The following HERC1 variants were observed in gnomAD, a reference collection of about 807,000 sequenced individuals.
HERC1 encodes the protein probable E3 ubiquitin-protein ligase HERC1.
In HERC1, 160 loss-of-function variants were observed where a neutral mutation model predicts 554.3. That is an observed-to-expected ratio of 0.29 (90% confidence interval 0.25 to 0.33). The LOEUF is 0.33. Among genes scored for constraint, HERC1 ranks in the 10% least tolerant of loss-of-function variants. HERC1 has a pLI of 1.00. For missense variants in HERC1, 4,919 were observed against 5,918.5 expected, an observed-to-expected ratio of 0.83 and a Z score of 5.54; for synonymous variants, 2,175 against 2,131.7, an observed-to-expected ratio of 1.02 and a Z score of -0.56.
intron 1 of HERC1, among the ~76,000 whole-genome samples, chr15:63,809,036 A>C (rs2077218118): frequency 6.6e-6 from 1 of 152,224 alleles, no homozygotes. Flanking sequence ...ATCAGAAGTA[A>C]GTACTCTGGC....
chr15:63,617,873 G>T (rs898704746), intron 74 of HERC1, among the ~76,000 whole-genome samples: 30 of 151,980 alleles, frequency 2.0e-4, no homozygotes, highest in Non-Finnish European at 3.1e-4. Flanking sequence ...TCTTGTAAAT[G>T]TGTTGGAGTT....
chr15:63,774,673 G>A (rs1460038346), intron 2 of HERC1, 21 bp downstream of exon 2: 1 of 1,529,450 alleles, frequency 6.5e-7, no homozygotes, highest in East Asian at 2.3e-5. Flanking sequence ...GAACTTTAAA[G>A]TTGAGACTTA....
rs1566937356 is a variant in HERC1 at position 63,612,515 on chromosome 15, C to T, written c.14136G>A (p.Val4712=). Residue 4712 remains valine (V), a synonymous_variant, in exon 77 of 78, where the codon GTG becomes GTA. Transcript: ENST00000443617. This position sits in a 1 kb window ranked among gnomAD's most constrained non-coding sequence, Gnocchi z 5.0. The part of the protein sequence containing the change: ...VREGMSWIVP[V]PLLSLLTAKQ... Reference sequence around the variant, plus strand: ...TTGCTGTGAGGAGGGACAGCAGCGGCACAGGAACAATCCAGGACATCCCTT... The same window carrying T: ...TTGCTGTGAGGAGGGACAGCAGCGGTACAGGAACAATCCAGGACATCCCTT... The T allele has an allele frequency of 1.2e-6, 2 of 1,614,020 alleles. No individual in the cohort carries two copies. The highest frequency in any genetic ancestry group is 1.7e-6 in the Non-Finnish European group (2 of 1,179,892).
chr15:63,748,204 C>T (rs567437727), intron 10 of HERC1, among the ~76,000 whole-genome samples: 3 of 151,936 alleles, frequency 2.0e-5, no homozygotes, highest in Admixed American at 1.3e-4. Context: ...CCAGCCTGGG[C>T]GACAGAGTGA....
At chr15:63,771,275 A>G (rs2075948332) in intron 2 of HERC1, among the ~76,000 whole-genome samples, 1 of 152,070 alleles carries the variant, frequency 6.6e-6, no homozygotes, top group Non-Finnish European at 1.5e-5. Flanking sequence ...AGAAATAACA[A>G]ATATATAATT....
chr15:63,833,668 C>G (rs865981677), intron 1 of HERC1, among the ~76,000 whole-genome samples, 159 bp downstream of exon 1: 1 of 151,814 alleles, frequency 6.6e-6, no homozygotes, highest in Non-Finnish European at 1.5e-5. Flanking sequence ...GCCGCCCACC[C>G]GGGACCCCAG....
At chr15:63,641,703 A>G in intron 59 of HERC1, 60 bp from the exon 60 acceptor site, 1 of 1,385,042 alleles carries the variant, frequency 7.2e-7, no homozygotes, top group Non-Finnish European at 9.7e-7. Context: ...TAATGCTATC[A>G]CCATTTAATC....
chr15:63,692,535 G>C lies in HERC1; in HGVS notation c.5706C>G (p.Leu1902=), dbSNP rs1189300104. 1.9e-6 allele frequency: 3 copies of C among 1,610,706 alleles called. No individual in the cohort carries two copies. Among genetic ancestry groups the C allele is most frequent in the East Asian group, 2.2e-5 (1 of 44,774 alleles). ...AALRKQHAAE[L]HLGDFLVFLR... ...GAAAAACTAAAAAATCCCCTAGATG[G>C]AGTTCGGCTGCATGTTGTTTCCTAA... is the stretch of plus-strand genomic sequence containing the variant. The change falls in exon 31 of 78, where the codon CTC becomes CTG. Residue 1902 remains leucine (L), a synonymous_variant. Coordinates refer to ENST00000443617, the MANE Select transcript of HERC1 (RefSeq NM_003922.4). This position sits in a 1 kb window ranked among gnomAD's most constrained non-coding sequence, Gnocchi z 4.7.
chr15:63,689,493 T>C (rs753474295), intron 33 of HERC1, 96 bp downstream of exon 33: 46 of 629,178 alleles, frequency 7.3e-5, no homozygotes, highest in Non-Finnish European at 1.2e-4. Context: ...GAATAAATGA[T>C]AGAGCAAGGT....
intron 1 of HERC1, among the ~76,000 whole-genome samples, chr15:63,811,601 A>AG (rs2077312569): frequency 6.6e-6 from 1 of 151,890 alleles, no homozygotes; most frequent in African/African-American, 2.4e-5. Flanking sequence ...CGAGGTCGGG[A>AG]GATCGAGACC....
chr15:63,817,542 G>A (rs895325691), intron 1 of HERC1, among the ~76,000 whole-genome samples: 47 of 152,066 alleles, frequency 3.1e-4, no homozygotes, highest in Non-Finnish European at 1.2e-4. Context: ...TGACAAAACC[G>A]CATCTCTACT....
At chr15:63,806,535 C>T (rs1049171597) in intron 1 of HERC1, among the ~76,000 whole-genome samples, 1 of 152,162 alleles carries the variant, frequency 6.6e-6, no homozygotes, top group African/African-American at 2.4e-5. Flanking sequence ...ACCCCACAAC[C>T]AGACTCATGC....
chr15:63,646,516 A>C (rs557556056), intron 55 of HERC1, among the ~76,000 whole-genome samples: 1 of 151,992 alleles, frequency 6.6e-6, no homozygotes, highest in South Asian at 2.1e-4. Flanking sequence ...AAAAAAACCA[A>C]GAAGGCTGGG....
chr15:63,621,741 G>T (rs1302361677), intron 74 of HERC1, among the ~76,000 whole-genome samples: 2 of 151,804 alleles, frequency 1.3e-5, no homozygotes, highest in African/African-American at 4.8e-5. Flanking sequence ...TCATTCATTT[G>T]ATCTTCCATC....
intron 17 of HERC1, among the ~76,000 whole-genome samples, chr15:63,726,295 T>C (rs1381115554): frequency 6.6e-6 from 1 of 152,200 alleles, no homozygotes; most frequent in Admixed American, 6.5e-5. Context: ...ATCCATGCTT[T>C]TTTATTGTAC....
chr15:63,701,120 C>T (rs911216736), intron 25 of HERC1, among the ~76,000 whole-genome samples: 10 of 151,460 alleles, frequency 6.6e-5, no homozygotes, highest in African/African-American at 1.7e-4. Context: ...ATATAAAATG[C>T]GCAAGGAACT....
chr15:63,632,895 T>TA, intron 67 of HERC1, 84 bp from the exon 68 acceptor site: 1 of 873,122 alleles, frequency 1.1e-6, no homozygotes. Context: ...TATCAAGAAC[T>TA]ACCTTCCAAC....
chr15:63,662,293 C>G (rs987961282), intron 44 of HERC1, among the ~76,000 whole-genome samples: 1 of 151,980 alleles, frequency 6.6e-6, no homozygotes, highest in African/African-American at 2.4e-5. Context: ...GACAATCTGT[C>G]CTATCTCAAA....
At chr15:63,628,618 T>C in intron 70 of HERC1, 59 bp downstream of exon 70, 1 of 1,519,640 alleles carries the variant, frequency 6.6e-7, no homozygotes, top group Admixed American at 2.2e-5. Context: ...AAGCAGACAG[T>C]GCCATGGGGT....
Sources: gnomAD v4.1 joint callset for allele counts (sites outside exome capture counted in the v4.1 genomes callset) on GRCh38, gnomAD v4.1.1 for gene constraint, Gnocchi (gnomAD v3.1) non-coding constraint, MANE v1.5 for transcripts, NCBI Gene and HGNC (gene_info 2026-07-23, HGNC 2026-07-21) for gene names.